Variants in PAIP2B observed in about 807,000 individuals in gnomAD.
The protein encoded by PAIP2B is poly(A) binding protein interacting protein 2B, also known as polyadenylate-binding protein-interacting protein 2B.
Under a neutral mutation model 17.0 loss-of-function variants are expected in PAIP2B, and 13 were observed. That is an observed-to-expected ratio of 0.76 (90% CI 0.50 to 1.22). The LOEUF is 1.22. Among genes scored for constraint, PAIP2B ranks in the 50% most tolerant of loss-of-function variants. PAIP2B has a pLI of 0.00. For missense variants in PAIP2B, 117 were observed against 144.5 expected (o/e 0.81, Z 0.98); for synonymous variants, 43 against 48.7 (o/e 0.88, Z 0.48).
At chr2:71,226,756 G>C (rs1378400206) in intron 1 of PAIP2B, among the ~76,000 whole-genome samples, 172 bp downstream of exon 1, 1 of 152,208 alleles carries the variant, frequency 6.6e-6, no homozygotes, top group African/African-American at 2.4e-5. Context: ...TTCGCCGATG[G>C]CCGCGACGTG....
At chr2:71,203,280 T>C (rs1675032867) in intron 1 of PAIP2B, among the ~76,000 whole-genome samples, 1 of 152,184 alleles carries the variant, frequency 6.6e-6, no homozygotes, top group Non-Finnish European at 1.5e-5. Context: ...TGTTGTTTAA[T>C]AACATAGCCA....
chr2:71,200,597 C>G (rs1674953483), intron 2 of PAIP2B, among the ~76,000 whole-genome samples: 1 of 152,006 alleles, frequency 6.6e-6, no homozygotes, highest in South Asian at 2.1e-4. Context: ...ACTAAAAATG[C>G]AAAAATTTGC....
intron 1 of PAIP2B, among the ~76,000 whole-genome samples, chr2:71,226,030 G>T (rs2216372): frequency 0.92 from 140,252 of 152,268 alleles, 64,669 homozygotes; most frequent in African/African-American, 0.94. Context: ...TCAATTTACT[G>T]AAAATAATAG....
At chr2:71,190,087 C>T in intron 2 of PAIP2B, 66 bp from the exon 3 acceptor site, 2 of 1,456,776 alleles carry the variant, frequency 1.4e-6, no homozygotes, top group South Asian at 1.4e-5. Flanking sequence ...CCAGTTTTTC[C>T]TCCACCTCTT....
At chr2:71,213,635 T>C (rs1025884677) in intron 1 of PAIP2B, among the ~76,000 whole-genome samples, 5 of 152,210 alleles carry the variant, frequency 3.3e-5, no homozygotes, top group Non-Finnish European at 5.9e-5. Flanking sequence ...ATTAGGCCCA[T>C]ATAAAATTCA....
Position 71,188,092 on chromosome 2 carries a change from C to T in PAIP2B, c.*387G>A. On this transcript the variant is annotated 3_prime_UTR_variant, in exon 4 of 4. Coordinates refer to ENST00000244221, the MANE Select transcript of PAIP2B (RefSeq NM_020459.1). Reference sequence around the variant, plus strand: ...CCACAAAAAGCTCTCCAGGTGCTCACTGTCCCTGATAAGTATACAGCAGGG... The same window carrying T: ...CCACAAAAAGCTCTCCAGGTGCTCATTGTCCCTGATAAGTATACAGCAGGG... 5.9e-6 allele frequency: 1 copy of T among 168,186 alleles called. No individual in the cohort carries two copies. The highest frequency in any genetic ancestry group is 1.3e-5 in the Non-Finnish European group (1 of 77,484). The allele number at this position is 168,186 out of a possible 1,614,324, so 10.4% of individuals were successfully genotyped here.
intron 1 of PAIP2B, among the ~76,000 whole-genome samples, chr2:71,224,335 T>A (rs187546134): frequency 6.6e-6 from 1 of 152,208 alleles, no homozygotes; most frequent in African/African-American, 2.4e-5. Flanking sequence ...GTGTGAGATA[T>A]GTATATATGT....
intron 1 of PAIP2B, among the ~76,000 whole-genome samples, chr2:71,211,720 T>C (rs1675305534): frequency 6.6e-6 from 1 of 152,178 alleles, no homozygotes; most frequent in South Asian, 2.1e-4. Flanking sequence ...ATATATTACA[T>C]TTTTAACCTA....
At chr2:71,209,040 T>C (rs542214262) in intron 1 of PAIP2B, among the ~76,000 whole-genome samples, 7 of 152,170 alleles carry the variant, frequency 4.6e-5, no homozygotes, top group African/African-American at 1.7e-4. Context: ...TCCAGTAAAG[T>C]AGGAATACAG....
In PAIP2B at chr2:71,182,941, C is replaced by G. The variant is rs1288557484; in HGVS notation, c.*5538G>C. The stretch of plus-strand genomic sequence containing the variant: ...AAAAGCAAAAACAGCTTTATAAACA[C>G]TTGTGAAACAGGGGTAAGTGTCCGA... On this transcript the variant is annotated 3_prime_UTR_variant, in exon 4 of 4. Transcript: ENST00000244221. 1 of 124,830 alleles carries G rather than the reference C, an allele frequency of 8.0e-6. No individual in the cohort carries two copies. The highest frequency in any genetic ancestry group is 1.7e-5 in the Non-Finnish European group (1 of 60,478). The allele number at this position is 124,830 out of a possible 1,614,324, so 7.7% of individuals were successfully genotyped here.
intron 1 of PAIP2B, 64 bp downstream of exon 1, chr2:71,226,864 C>T (rs988824224): frequency 6.6e-6 from 1 of 152,560 alleles, no homozygotes; most frequent in Non-Finnish European, 1.5e-5. Context: ...AGGGCGCCCC[C>T]AGAGCCGGGA....
intron 1 of PAIP2B, among the ~76,000 whole-genome samples, chr2:71,209,326 G>A (rs1424090913): frequency 1.3e-5 from 2 of 152,192 alleles, no homozygotes; most frequent in Non-Finnish European, 2.9e-5. Context: ...ACATTTAAAT[G>A]TTCATAGAAA....
intron 1 of PAIP2B, among the ~76,000 whole-genome samples, chr2:71,223,440 A>C (rs1675641973): frequency 6.9e-6 from 1 of 144,754 alleles, no homozygotes; most frequent in African/African-American, 2.6e-5. Context: ...AAAAACACAG[A>C]CTTTTTTTTT....
At chr2:71,194,459 T>TTGTGTGTGTGTGTGTG (rs141924993) in intron 2 of PAIP2B, among the ~76,000 whole-genome samples, 8 of 143,374 alleles carry the variant, frequency 5.6e-5, no homozygotes, top group South Asian at 2.2e-4. Context: ...TATTCCTAGG[T>TTGTGTGTGTGTGTGTG]TGTGTGTGTG....
chr2:71,217,799 A>C (rs1675465881), intron 1 of PAIP2B, among the ~76,000 whole-genome samples: 1 of 151,622 alleles, frequency 6.6e-6, no homozygotes, highest in African/African-American at 2.4e-5. Context: ...TGGGAGCAGA[A>C]GCTCATGCCT....
intron 3 of PAIP2B, among the ~76,000 whole-genome samples, chr2:71,189,133 A>G (rs1674617477): frequency 6.7e-6 from 1 of 148,576 alleles, no homozygotes; most frequent in South Asian, 2.1e-4. Context: ...CTCCTGCTTT[A>G]GCCTTCCAAG....
At chr2:71,201,262 A>T (rs536951230) in intron 2 of PAIP2B, among the ~76,000 whole-genome samples, 1 of 152,348 alleles carries the variant, frequency 6.6e-6, no homozygotes. Flanking sequence ...TGTTTTCAAC[A>T]ACATATATTT....
intron 2 of PAIP2B, among the ~76,000 whole-genome samples, chr2:71,195,312 G>C (rs1264622895): frequency 2.6e-5 from 4 of 152,246 alleles, no homozygotes; most frequent in Admixed American, 1.3e-4. Context: ...GCTCTTCTTT[G>C]TATGTCTGGT....
Position 71,184,685 on chromosome 2 carries a change from A to G in PAIP2B, c.*3794T>C, listed in dbSNP as rs1674487987. ...ATCCCTGTGAGCAATGCAGGGTGCA[A>G]TGAGTCACATGGGGAAATGTGGACA... On this transcript the variant is annotated 3_prime_UTR_variant, in exon 4 of 4. Coordinates refer to ENST00000244221, the MANE Select transcript of PAIP2B (RefSeq NM_020459.1). The G allele has an allele frequency of 1.3e-5, 2 of 152,206 alleles. No homozygotes were observed. The highest frequency in any genetic ancestry group is 6.5e-5 in the Admixed American group (1 of 15,284). 9.4% of individuals were successfully genotyped at this position (152,206 alleles called of 1,614,324 possible).
Sources: allele counts gnomAD v4.1 joint callset (sites outside exome capture counted in the v4.1 genomes callset), GRCh38; gene constraint gnomAD v4.1.1; transcripts MANE v1.5; gene names NCBI Gene and HGNC (gene_info 2026-07-23, HGNC 2026-07-21).